RHOD: variants seen among roughly 807,000 people sequenced by gnomAD.
RHOD encodes ras homolog family member D.
RHOD carries 11 observed loss-of-function variants against 16.7 expected under a neutral mutation model. The observed-to-expected ratio is 0.66, with a 90% confidence interval of 0.41 to 1.09. RHOD has a LOEUF of 1.09. Among genes scored for constraint, RHOD ranks in the 50% least tolerant of loss-of-function variants. The pLI is 0.00. For synonymous variants in RHOD, 124 were observed against 126.3 expected (o/e 0.98, Z 0.12); for missense variants, 271 against 291.7 (o/e 0.93, Z 0.52).
chr11:67,068,219 C>CA (rs1489868442), intron 3 of RHOD, among the ~76,000 whole-genome samples: 3 of 152,220 alleles, frequency 2.0e-5, no homozygotes, highest in Non-Finnish European at 4.4e-5. Flanking sequence ...CAGTGCGATG[C>CA]ATGCGTCTGC....
At chr11:67,059,914 G>A (rs893326727) in intron 1 of RHOD, among the ~76,000 whole-genome samples, 1 of 152,258 alleles carries the variant, frequency 6.6e-6, no homozygotes, top group South Asian at 2.1e-4. Context: ...AGAGCAGCCT[G>A]AGGATTTGGA....
chr11:67,058,323 G>A lies in RHOD; in HGVS notation c.132+1289G>A, dbSNP rs528415947. On this transcript the variant is annotated intron_variant, in intron 1 of 4. Coordinates refer to ENST00000308831, the MANE Select transcript of RHOD (RefSeq NM_014578.4). The stretch of plus-strand genomic sequence containing the variant: ...CCCGAGTAGCTGGGACTACAGGCGC[G>A]TGCCACCGTGCCCAGCTAATTTTTG... Among the ~76,000 whole-genome samples the A allele has an allele frequency of 1.4e-4, 21 of 152,248 alleles. No homozygotes were observed. In the East Asian group the frequency reaches 3.9e-3, roughly 28 times the overall value.
chr11:67,058,234 G>A (rs570724725), intron 1 of RHOD, among the ~76,000 whole-genome samples: 187 of 152,308 alleles, frequency 1.2e-3, no homozygotes, highest in Admixed American at 4.9e-3. Flanking sequence ...AGAGTGCAGT[G>A]GCACAATCTC....
chr11:67,069,699 T>C (rs1855001907), intron 3 of RHOD, among the ~76,000 whole-genome samples: 1 of 149,490 alleles, frequency 6.7e-6, no homozygotes, highest in Non-Finnish European at 1.5e-5. Flanking sequence ...AATTGATTTA[T>C]TTATTTATTT....
intron 1 of RHOD, among the ~76,000 whole-genome samples, chr11:67,063,797 T>A (rs1854921621): frequency 3.6e-5 from 3 of 83,012 alleles, no homozygotes; most frequent in African/African-American, 5.2e-5. Flanking sequence ...CAGGACTCTC[T>A]CTCAAAAAAA....
At chr11:67,066,207 C>T (rs1331968340) in intron 2 of RHOD, among the ~76,000 whole-genome samples, 1 of 152,206 alleles carries the variant, frequency 6.6e-6, no homozygotes, top group African/African-American at 2.4e-5. Context: ...TGGAGGCAAG[C>T]GGGAGTCCAG....
chr11:67,059,158 T>C (rs1372740052), intron 1 of RHOD, among the ~76,000 whole-genome samples: 1 of 152,154 alleles, frequency 6.6e-6, no homozygotes, highest in East Asian at 1.9e-4. Context: ...GGCATGCTTA[T>C]CACCAGGAAA....
At chr11:67,066,192 C>T (rs564208346) in intron 2 of RHOD, among the ~76,000 whole-genome samples, 41 of 152,344 alleles carry the variant, frequency 2.7e-4, no homozygotes, top group African/African-American at 7.2e-4. Flanking sequence ...CCGCCCGCTA[C>T]GTCCTGGAGG....
At chr11:67,060,153 T>G (rs1854868276) in intron 1 of RHOD, among the ~76,000 whole-genome samples, 1 of 152,232 alleles carries the variant, frequency 6.6e-6, no homozygotes, top group African/African-American at 2.4e-5. Flanking sequence ...CCGGCCCTGC[T>G]GGCTAGAGCC....
chr11:67,070,960 G>A (rs1855022538), intron 4 of RHOD, among the ~76,000 whole-genome samples: 2 of 152,100 alleles, frequency 1.3e-5, no homozygotes, highest in South Asian at 4.1e-4. Context: ...CTGGCAGGGC[G>A]CAGGGGCTCA....
intron 3 of RHOD, 97 bp downstream of exon 3, chr11:67,066,944 C>A: frequency 1.2e-6 from 1 of 833,892 alleles, no homozygotes; most frequent in Non-Finnish European, 2.1e-6. Context: ...GCTTGGCAGG[C>A]CCAAAATGAT....
chr11:67,061,840 G>GTA (rs199652411), intron 1 of RHOD, among the ~76,000 whole-genome samples: 2,497 of 141,818 alleles, frequency 0.018, 263 homozygotes, highest in Admixed American at 0.15. Context: ...GTGTGTGTGT[G>GTA]TGTGTATATA....
intron 3 of RHOD, among the ~76,000 whole-genome samples, chr11:67,067,917 A>G (rs891322913): frequency 6.6e-6 from 1 of 152,142 alleles, no homozygotes; most frequent in African/African-American, 2.4e-5. Flanking sequence ...CTCCTGCCTC[A>G]GCCTCCTGAG....
At chr11:67,071,030 C>G (rs1311523382) in intron 4 of RHOD, among the ~76,000 whole-genome samples, 1 of 152,032 alleles carries the variant, frequency 6.6e-6, no homozygotes, top group East Asian at 1.9e-4. Flanking sequence ...GTCAGGAGTT[C>G]GAGACCAGCC....
intron 3 of RHOD, chr11:67,070,196 C>T (rs1855008974): frequency 2.4e-5 from 15 of 620,864 alleles, no homozygotes; most frequent in South Asian, 2.3e-4. Context: ...CGCACCTGTA[C>T]AGTGGGATTG....
intron 2 of RHOD, 107 bp downstream of exon 2, chr11:67,066,090 C>G (rs1854956388): frequency 3.3e-6 from 3 of 905,872 alleles, no homozygotes; most frequent in East Asian, 5.2e-5. Flanking sequence ...CAGCCAGTCT[C>G]CAAGGGACAG....
chr11:67,061,386 A>G (rs1047395789), intron 1 of RHOD, among the ~76,000 whole-genome samples: 14 of 152,294 alleles, frequency 9.2e-5, no homozygotes, highest in Non-Finnish European at 2.1e-4. Flanking sequence ...TAATCCCAGC[A>G]CTTCGGGAGG....
At chr11:67,068,291 C>T (rs376300825) in intron 3 of RHOD, among the ~76,000 whole-genome samples, 1 of 152,146 alleles carries the variant, frequency 6.6e-6, no homozygotes, top group South Asian at 2.1e-4. Flanking sequence ...TTAGAAGCTA[C>T]GGGTGCAGTA....
intron 1 of RHOD, among the ~76,000 whole-genome samples, chr11:67,058,835 T>A (rs1206629432): frequency 1.3e-5 from 2 of 152,190 alleles, no homozygotes; most frequent in South Asian, 2.1e-4. Context: ...TGGTGTCACC[T>A]CCTTTGACCA....
Sources: allele counts gnomAD v4.1 joint callset (sites outside exome capture counted in the v4.1 genomes callset), GRCh38; gene constraint gnomAD v4.1.1; transcripts MANE v1.5; gene names NCBI Gene and HGNC (gene_info 2026-07-23, HGNC 2026-07-21).